The following BCKDHB variants were observed in gnomAD, a reference collection of about 807,000 sequenced individuals.
The protein encoded by BCKDHB is 2-oxoisovalerate dehydrogenase subunit beta, mitochondrial.
In BCKDHB, 41 loss-of-function variants were observed where a neutral mutation model predicts 48.5. The observed-to-expected ratio is 0.85, with a 90% confidence interval of 0.66 to 1.10. The LOEUF (loss-of-function observed/expected upper bound fraction) is 1.10. Among genes scored for constraint, BCKDHB ranks in the 50% least tolerant of loss-of-function variants. The pLI, the probability that BCKDHB is intolerant of heterozygous loss-of-function variation, is 0.00. For missense variants in BCKDHB, 496 were observed against 494.2 expected, an observed-to-expected ratio of 1.00 and a Z score of -0.03; for synonymous variants, 201 against 174.8, an observed-to-expected ratio of 1.15 and a Z score of -1.18.
At position 80,170,003 on chromosome 6, in the gene BCKDHB, C is replaced by T. The variant is rs535811658; in HGVS notation, c.633+973C>T. On this transcript the variant is annotated intron_variant, in intron 5 of 9. Coordinates refer to ENST00000320393, the MANE Select transcript of BCKDHB (RefSeq NM_183050.4). ...CAGATCTTTTCTGTCTGTCCCCTGCCTTCTCTTTTCCTCCTTCATTTTCTT... is the reference window on the plus strand; with the variant it reads ...CAGATCTTTTCTGTCTGTCCCCTGCTTTCTCTTTTCCTCCTTCATTTTCTT... 9 of 1,160,808 alleles carry T rather than the reference C, an allele frequency of 7.8e-6. No individual in the cohort carries two copies. The African/African-American group carries it at 1.3e-4, about 17-fold the overall frequency. 71.9% of individuals were successfully genotyped at this position (1,160,808 alleles called of 1,614,324 possible).
At chr6:80,417,936 G>T in the BCKDHB span, among the ~76,000 whole-genome samples, 12 of 151,964 alleles carry the variant, frequency 7.9e-5, no homozygotes, top group Non-Finnish European at 1.0e-4. Context: ...TTTCCATGTT[G>T]GTTCCATTCT....
chr6:80,167,527 C>A, intron 3 of BCKDHB, 151 bp from the exon 4 acceptor site: 1 of 816,126 alleles, frequency 1.2e-6, no homozygotes, highest in Non-Finnish European at 1.9e-6. Flanking sequence ...CAGGTGTGAG[C>A]CACCGTGGCT....
At chr6:80,325,882 G>A (rs1360419274) in intron 9 of BCKDHB, among the ~76,000 whole-genome samples, 1 of 152,122 alleles carries the variant, frequency 6.6e-6, no homozygotes, top group Non-Finnish European at 1.5e-5. Context: ...AACTGTCCAA[G>A]TCATCAAAAA....
the BCKDHB span, among the ~76,000 whole-genome samples, chr6:80,419,787 G>T: frequency 1.3e-5 from 2 of 152,170 alleles, no homozygotes. Flanking sequence ...CTGGTGCACT[G>T]TAGTCCCATG....
At chr6:80,138,977 T>G (rs1771040526) in intron 3 of BCKDHB, among the ~76,000 whole-genome samples, 1 of 152,190 alleles carries the variant, frequency 6.6e-6, no homozygotes, top group African/African-American at 2.4e-5. Flanking sequence ...GTTTCCTGAC[T>G]TTTTAATGAT....
At chr6:80,209,977 A>G (rs764405909) in intron 8 of BCKDHB, among the ~76,000 whole-genome samples, 3 of 152,014 alleles carry the variant, frequency 2.0e-5, no homozygotes, top group East Asian at 1.9e-4. Flanking sequence ...GAAAAGGTAC[A>G]CTAAGTGTTG....
intron 9 of BCKDHB, among the ~76,000 whole-genome samples, chr6:80,298,395 C>T (rs532968057): frequency 6.6e-6 from 1 of 152,334 alleles, no homozygotes; most frequent in African/African-American, 2.4e-5. Flanking sequence ...AGGCATTAGC[C>T]ACCATGCCTG....
the BCKDHB span, among the ~76,000 whole-genome samples, chr6:80,422,740 T>C: frequency 2.6e-5 from 4 of 152,210 alleles, no homozygotes; most frequent in African/African-American, 9.6e-5. Flanking sequence ...GATGGTGGCC[T>C]CTTTGTTTTG....
the BCKDHB span, among the ~76,000 whole-genome samples, chr6:80,430,345 C>A: frequency 2.0e-5 from 3 of 152,034 alleles, no homozygotes; most frequent in African/African-American, 4.8e-5. Context: ...TGTGTGTCTG[C>A]CAGGCTTGGT....
rs372930409 is a variant in BCKDHB at position 80,205,670 on chromosome 6, A to G, written c.951+2458A>G. Among the ~76,000 whole-genome samples the G allele has an allele frequency of 5.3e-5, 8 of 152,212 alleles. No individual in the cohort carries two copies. In the East Asian group the frequency reaches 1.4e-3, roughly 26 times the overall value. ...TTAAATGGTCCTAGAAACCACAGCT[A>G]GTTTTTCCACTCAATTCTGAACTTG... On this transcript the variant is annotated intron_variant, in intron 8 of 9. Coordinates refer to ENST00000320393, the MANE Select transcript of BCKDHB (RefSeq NM_183050.4).
chr6:80,157,305 C>T (rs1368492449), intron 3 of BCKDHB, among the ~76,000 whole-genome samples: 2 of 151,900 alleles, frequency 1.3e-5, no homozygotes. Context: ...GTTATCTGGC[C>T]TGATTTTTAG....
chr6:80,449,847 G>T, the BCKDHB span, among the ~76,000 whole-genome samples: 1 of 152,114 alleles, frequency 6.6e-6, no homozygotes. Context: ...ACAGTTCATA[G>T]AGTTCATATT....
chr6:80,359,457 G>A, the BCKDHB span, among the ~76,000 whole-genome samples: 1 of 152,174 alleles, frequency 6.6e-6, no homozygotes, highest in South Asian at 2.1e-4. Flanking sequence ...TTCTTCTGAT[G>A]TTGTGTTTGT....
At chr6:80,352,354 C>G in the BCKDHB span, among the ~76,000 whole-genome samples, 1 of 152,114 alleles carries the variant, frequency 6.6e-6, no homozygotes, top group African/African-American at 2.4e-5. Flanking sequence ...AAGGGTGAAA[C>G]CTCTATATTG....
In BCKDHB at chr6:80,346,002, G is replaced by A. The variant is rs1056522357; in HGVS notation, c.*2198G>A. ...AAGCTGGAAGATTATGACTAGATAT[G>A]GAAATATTTTTTCTGAATTTTTTTT... On this transcript the variant is annotated 3_prime_UTR_variant, in exon 10 of 10. Coordinates refer to ENST00000320393, the MANE Select transcript of BCKDHB (RefSeq NM_183050.4). The A allele has an allele frequency of 6.6e-6, 1 of 152,010 alleles. No homozygotes were observed. The highest frequency in any genetic ancestry group is 1.5e-5 in the Non-Finnish European group (1 of 67,996). 9.4% of individuals were successfully genotyped at this position (152,010 alleles called of 1,614,324 possible).
chr6:80,358,079 ATTTTC>A, the BCKDHB span, among the ~76,000 whole-genome samples: 1 of 151,920 alleles, frequency 6.6e-6, no homozygotes, highest in African/African-American at 2.4e-5. Context: ...CCATTGCTTA[ATTTTC>A]TTCTCACAAT....
intron 9 of BCKDHB, among the ~76,000 whole-genome samples, chr6:80,292,293 AATT>A (rs1341445510): frequency 6.6e-6 from 1 of 152,218 alleles, no homozygotes; most frequent in African/African-American, 2.4e-5. Flanking sequence ...GATATTGGGT[AATT>A]TATAAAGGAA....
intron 8 of BCKDHB, among the ~76,000 whole-genome samples, chr6:80,205,295 ATTTATATTATAATCTC>A (rs1203570244): frequency 1.3e-5 from 2 of 151,904 alleles, no homozygotes; most frequent in African/African-American, 4.8e-5. Flanking sequence ...AGTAACCAAA[ATTTATATTATAATCTC>A]TTTTAATTAG....
chr6:80,187,870 C>T (rs1490708668), intron 6 of BCKDHB, among the ~76,000 whole-genome samples: 1 of 152,198 alleles, frequency 6.6e-6, no homozygotes, highest in Non-Finnish European at 1.5e-5. Context: ...CATTTATACA[C>T]TGCTGGTGGA....
Sources: gnomAD v4.1 joint callset for allele counts (sites outside exome capture counted in the v4.1 genomes callset) on GRCh38, gnomAD v4.1.1 for gene constraint, MANE v1.5 for transcripts, NCBI Gene and HGNC (gene_info 2026-07-23, HGNC 2026-07-21) for gene names.